Variants in ZFYVE26 observed in about 807,000 individuals in gnomAD.
ZFYVE26 encodes the protein zinc finger FYVE-type containing 26.
ZFYVE26 carries 181 observed loss-of-function variants against 276.5 expected under a neutral mutation model. That is an observed-to-expected ratio of 0.65 (90% confidence interval 0.58 to 0.74). ZFYVE26 has a LOEUF of 0.74. ZFYVE26 is among the 30% of genes least tolerant of loss of function. ZFYVE26 has a pLI of 0.00. For synonymous variants in ZFYVE26, 1,129 were observed against 1,203.1 expected (o/e 0.94, Z 1.27); for missense variants, 2,821 against 3,097.9 (o/e 0.91, Z 2.12).
intron 13 of ZFYVE26, among the ~76,000 whole-genome samples, chr14:67,731,209 T>A (rs56412443): frequency 1.4e-5 from 1 of 69,156 alleles, no homozygotes. Flanking sequence ...CTTTCTTTCT[T>A]TTTTTTTTTT....
At chr14:67,773,712 C>T (rs1043708915) in intron 27 of ZFYVE26, among the ~76,000 whole-genome samples, 12 of 152,038 alleles carry the variant, frequency 7.9e-5, no homozygotes, top group African/African-American at 2.7e-4. Flanking sequence ...CAAAGTATGG[C>T]CAGAAAATGC....
In ZFYVE26 at chr14:67,806,544, C is replaced by A. The variant is rs1224762841; in HGVS notation, c.1017+1G>T. On this transcript the variant is annotated splice_donor_variant, in intron 6 of 41. Coordinates refer to ENST00000347230, the MANE Select transcript of ZFYVE26 (RefSeq NM_015346.4). LOFTEE classifies it high-confidence loss of function. Reference sequence around the variant, plus strand: ...GTGATGAACAATTAAGCTTGACTTACCAGAATCTGCTCGAGGAAGTGTTTG... The same window carrying A: ...GTGATGAACAATTAAGCTTGACTTAACAGAATCTGCTCGAGGAAGTGTTTG... The A allele has an allele frequency of 3.7e-6, 6 of 1,614,012 alleles. No homozygotes were observed. The Admixed American group carries it at 8.3e-5, about 22-fold the overall frequency.
chr14:67,791,885 C>A (rs1250775325), intron 14 of ZFYVE26, among the ~76,000 whole-genome samples: 2 of 151,146 alleles, frequency 1.3e-5, no homozygotes, highest in East Asian at 3.9e-4. Context: ...CATGGTGAAA[C>A]CCCGTCTCTA....
intron 25 of ZFYVE26, among the ~76,000 whole-genome samples, chr14:67,776,521 G>A (rs762187274): frequency 2.2e-4 from 33 of 152,182 alleles, no homozygotes; most frequent in Non-Finnish European, 3.7e-4. Flanking sequence ...GTGGTAGCCT[G>A]CTCACGCCTG....
Position 67,785,105 on chromosome 14 carries a change from G to C in ZFYVE26, c.3477C>G (p.Cys1159Trp). ...GAAGGAGAACTGCAGCAAGGGTGCT[G>C]CAGTAACTGAAGAAGGTGCCCAAGT... ...MDYLGTFFSY[C>W]STLAAVLLQS... Residue 1159 changes from cysteine to tryptophan, a missense_variant, in exon 19 of 42, where the codon TGC (cysteine) becomes TGG (tryptophan). Physicochemically the swap from Cys to Trp is radical, Grantham distance 215. Transcript: ENST00000347230. The C allele has an allele frequency of 6.2e-7, 1 of 1,614,240 alleles. No homozygotes were observed. The highest frequency in any genetic ancestry group is 8.5e-7 in the Non-Finnish European group (1 of 1,180,042).
Position 67,776,024 on chromosome 14 carries a change from A to C in ZFYVE26, c.5057T>G (p.Leu1686Arg). Reference protein sequence around the residue: ...SNPLFMLEQLLMNMKVDWATV... With the variant: ...SNPLFMLEQLRMNMKVDWATV... ...GGCCCAATCCACCTTCATGTTCATA[A>C]GCAGCTGCTCCAGCATGAACAGGGG... The change falls in exon 26 of 42, where the codon CTT becomes CGT. Residue 1686 changes from leucine to arginine, a missense_variant. By Grantham distance (102) the Leu-to-Arg change is moderately radical. Coordinates refer to ENST00000347230, the MANE Select transcript of ZFYVE26 (RefSeq NM_015346.4). 2 of 1,614,216 alleles carry C rather than the reference A, an allele frequency of 1.2e-6. No homozygotes were observed. The highest frequency in any genetic ancestry group is 1.7e-6 in the Non-Finnish European group (2 of 1,180,038).
intron 16 of ZFYVE26, among the ~76,000 whole-genome samples, chr14:67,787,028 T>C (rs2039676784): frequency 6.6e-6 from 1 of 152,090 alleles, no homozygotes; most frequent in African/African-American, 2.4e-5. Context: ...AGAAGGATGG[T>C]TACCAGAGGC....
chr14:67,807,610 A>G lies in ZFYVE26; in HGVS notation c.674T>C (p.Leu225Pro), dbSNP rs1396864222. The G allele has an allele frequency of 6.2e-7, 1 of 1,614,232 alleles. No homozygotes were observed. The part of the protein sequence containing the change: ...VDAIYGALRT[L>P]RCPAEPLGVE... ...CCCAAGTGGTTCTGCGGGGCAACGC[A>G]GAGTCCGCAGGGCTCCATAGATGGC... The change falls in exon 5 of 42, where the codon CTG (leucine) becomes CCG (proline). Residue 225 changes from leucine to proline, a missense_variant. Coordinates refer to ENST00000347230, the MANE Select transcript of ZFYVE26 (RefSeq NM_015346.4).
rs144148976 is a variant in ZFYVE26, at chr14:67,729,230, T to A, written n.3269A>T. On this transcript the variant is annotated non_coding_transcript_exon_variant, in exon 14 of 15. Coordinates refer to the ZFYVE26 transcript ENST00000394455. The stretch of plus-strand genomic sequence containing the variant: ...ACCTACGCAGTGCACCCAGGCGTCG[T>A]CCGCTCTGAGCTGGTCCGGCACTCC... 16 of 1,611,408 alleles carry A rather than the reference T, an allele frequency of 9.9e-6. No homozygotes were observed. In the African/African-American group the frequency reaches 1.1e-4, roughly 11 times the overall value.
chr14:67,761,762 A>G, intron 34 of ZFYVE26, 178 bp from the exon 35 acceptor site: 2 of 507,690 alleles, frequency 3.9e-6, no homozygotes, highest in Non-Finnish European at 6.6e-6. Flanking sequence ...TGATAAAAAA[A>G]TAAAAAAACA....
rs1385960930 is a variant in ZFYVE26 at position 67,755,985 on chromosome 14, T to C, written c.6749A>G (p.Tyr2250Cys). The C allele has an allele frequency of 1.2e-6, 2 of 1,611,264 alleles. No homozygotes were observed. Residue 2250 changes from tyrosine (Y) to cysteine (C), a missense_variant, in exon 36 of 42, where the codon TAC (tyrosine) becomes TGC (cysteine). Physicochemically the swap from Tyr to Cys is radical, Grantham distance 194 (BLOSUM62 -2). Transcript: ENST00000347230. ...AACQHLQKKN[Y>C]YHILYELQQF... ...CTGCAGCTCATACAGAATGTGGTAG[T>C]AGTTCTTCTTCTGTAAATGTTGGCA...
chr14:67,795,778 T>C (rs2039939705), intron 12 of ZFYVE26, among the ~76,000 whole-genome samples: 1 of 152,126 alleles, frequency 6.6e-6, no homozygotes. Flanking sequence ...AAAAAAATAA[T>C]AGCACATGAT....
chr14:67,750,311 T>G (rs913325766), intron 41 of ZFYVE26, among the ~76,000 whole-genome samples: 1 of 152,210 alleles, frequency 6.6e-6, no homozygotes, highest in Non-Finnish European at 1.5e-5. Flanking sequence ...TTAGCAATAC[T>G]GCCATGGGGA....
intron 27 of ZFYVE26, among the ~76,000 whole-genome samples, chr14:67,774,296 C>T (rs913770530): frequency 1.3e-5 from 2 of 152,044 alleles, no homozygotes; most frequent in African/African-American, 2.4e-5. Flanking sequence ...ACCTGTGGTT[C>T]GAGACCAGTT....
At chr14:67,794,561 C>T (rs2140238896) in intron 12 of ZFYVE26, among the ~76,000 whole-genome samples, 1 of 152,258 alleles carries the variant, frequency 6.6e-6, no homozygotes, top group East Asian at 1.9e-4. Context: ...TGGCAGTATT[C>T]TGAAAAAATA....
rs370755806 is a variant in ZFYVE26 at position 67,754,054 on chromosome 14, T to A, written c.7128+17A>T. On this transcript the variant is annotated intron_variant, in intron 38 of 41. Transcript: ENST00000347230. Reference sequence around the variant, plus strand: ...AGATGACAATAGTCTGCCAGAGGTCTGAAACGCTGCATGTACCTTGCAGGC... The same window carrying A: ...AGATGACAATAGTCTGCCAGAGGTCAGAAACGCTGCATGTACCTTGCAGGC... 78 of 1,614,246 alleles carry A rather than the reference T, an allele frequency of 4.8e-5. No homozygotes were observed. In the Middle Eastern group the frequency reaches 5.0e-4, roughly 10 times the overall value.
chr14:67,812,439 C>T (rs1391080303), intron 3 of ZFYVE26, among the ~76,000 whole-genome samples: 1 of 152,146 alleles, frequency 6.6e-6, no homozygotes, highest in Non-Finnish European at 1.5e-5. Flanking sequence ...AAGGTGGGAA[C>T]CTGGAAAAGG....
At chr14:67,736,765 T>C (rs2038357763) in intron 13 of ZFYVE26, among the ~76,000 whole-genome samples, 3 of 152,152 alleles carry the variant, frequency 2.0e-5, no homozygotes, top group Admixed American at 6.5e-5. Flanking sequence ...GCAAATTTAT[T>C]AGGAGGACTG....
chr14:67,750,336 C>G (rs114455747), intron 41 of ZFYVE26: 2,313 of 154,338 alleles, frequency 0.015, 42 homozygotes, highest in African/African-American at 0.043. Flanking sequence ...GTAAGAAGCT[C>G]TTTGCCTGAC....
Sources: gnomAD v4.1 joint callset for allele counts (sites outside exome capture counted in the v4.1 genomes callset) on GRCh38, gnomAD v4.1.1 for gene constraint, MANE v1.5 for transcripts, NCBI Gene and HGNC (gene_info 2026-07-23, HGNC 2026-07-21) for gene names.